COL21A1: variants seen among roughly 807,000 people sequenced by gnomAD.
COL21A1 encodes the protein collagen type XXI alpha 1 chain.
COL21A1 carries 149 observed loss-of-function variants against 137.9 expected under a neutral mutation model. That is an observed-to-expected ratio of 1.08 (90% CI 0.95 to 1.24). The LOEUF is 1.24. Among genes scored for constraint, COL21A1 ranks in the 50% most tolerant of loss-of-function variants. The pLI is 0.00. For synonymous variants in COL21A1, 456 were observed against 391.5 expected, an observed-to-expected ratio of 1.16 and a Z score of -1.95; for missense variants, 1,167 against 1,158.4, an observed-to-expected ratio of 1.01 and a Z score of -0.11.
intron 1 of COL21A1, among the ~76,000 whole-genome samples, chr6:56,390,512 A>G (rs866051624): frequency 0.014 from 2,175 of 151,398 alleles, 42 homozygotes; most frequent in African/African-American, 0.047. Context: ...ACACACACAC[A>G]CACACACACA....
intron 1 of COL21A1, among the ~76,000 whole-genome samples, chr6:56,213,150 T>C (rs1024139142): frequency 3.9e-5 from 6 of 152,098 alleles, no homozygotes; most frequent in Non-Finnish European, 8.8e-5. Flanking sequence ...ACAACAAAAG[T>C]ATCTGTATGC....
At chr6:56,070,933 C>T (rs1424313636) in intron 20 of COL21A1, 135 bp from the exon 21 acceptor site, 2 of 682,748 alleles carry the variant, frequency 2.9e-6, no homozygotes, top group Non-Finnish European at 4.8e-6. Context: ...AGACTCTGTA[C>T]ATTAGACCTA....
intron 17 of COL21A1, among the ~76,000 whole-genome samples, chr6:56,097,920 A>T (rs1250368369): frequency 3.2e-5 from 3 of 93,706 alleles, no homozygotes; most frequent in Admixed American, 1.6e-4. Context: ...AATATATATA[A>T]ATATATAAAT....
rs763788494 is a variant in COL21A1, at chr6:56,179,847, A to G, written c.371T>C (p.Leu124Pro). 1.9e-6 allele frequency: 3 copies of G among 1,613,830 alleles called. No homozygotes were observed. In the Admixed American group the frequency reaches 5.0e-5, roughly 27 times the overall value. Residue 124 changes from leucine to proline, a missense_variant, in exon 3 of 30, where the codon CTC (leucine) becomes CCC (proline). By Grantham distance (98) the Leu-to-Pro change is moderately conservative (BLOSUM62 -3). Coordinates refer to ENST00000244728, the MANE Select transcript of COL21A1 (RefSeq NM_030820.4). ...TGAGGACTTGGCAAAAAGGTAATCG[A>G]GCGCAAACTGGATGGCCTTCCCTGT... ...TKTGKAIQFA[L>P]DYLFAKSSRF...
At chr6:56,161,900 C>T (rs1776233526) in intron 9 of COL21A1, among the ~76,000 whole-genome samples, 2 of 152,144 alleles carry the variant, frequency 1.3e-5, no homozygotes, top group Admixed American at 1.3e-4. Context: ...AAAAATTTCT[C>T]CTCTGTTTCA....
chr6:56,124,630 T>TTTTGTTTG (rs10624734), intron 14 of COL21A1, among the ~76,000 whole-genome samples: 151 of 150,570 alleles, frequency 1.0e-3, no homozygotes, highest in Admixed American at 9.3e-3. Context: ...TGGACATGTT[T>TTTTGTTTG]TTTGTTTGTT....
chr6:56,120,421 A>G (rs924983762), intron 16 of COL21A1, among the ~76,000 whole-genome samples: 1 of 152,210 alleles, frequency 6.6e-6, no homozygotes, highest in Non-Finnish European at 1.5e-5. Flanking sequence ...GGATGTGGAG[A>G]AAAGGGAACA....
chr6:56,242,722 G>A (rs1303281562), intron 1 of COL21A1, among the ~76,000 whole-genome samples: 1 of 152,116 alleles, frequency 6.6e-6, no homozygotes, highest in African/African-American at 2.4e-5. Context: ...ATTCTTTGAA[G>A]TGACAAAGGT....
At chr6:56,088,317 T>C (rs1367964326) in intron 17 of COL21A1, among the ~76,000 whole-genome samples, 1 of 152,076 alleles carries the variant, frequency 6.6e-6, no homozygotes, top group Non-Finnish European at 1.5e-5. Flanking sequence ...TGAGCTGAGA[T>C]TGCGCCACTG....
intron 17 of COL21A1, among the ~76,000 whole-genome samples, chr6:56,083,551 CAGGG>C (rs1767974925): frequency 6.6e-6 from 1 of 151,866 alleles, no homozygotes; most frequent in South Asian, 2.1e-4. Flanking sequence ...TACCAGGTTC[CAGGG>C]ATTAAATTAT....
chr6:56,376,151 G>C (rs999474974), intron 1 of COL21A1, among the ~76,000 whole-genome samples: 1 of 152,156 alleles, frequency 6.6e-6, no homozygotes, highest in African/African-American at 2.4e-5. Flanking sequence ...CAGGAGTAGA[G>C]GGTTTTAAGA....
chr6:56,165,602 T>C (rs1283828896), intron 7 of COL21A1, among the ~76,000 whole-genome samples: 1 of 152,194 alleles, frequency 6.6e-6, no homozygotes, highest in East Asian at 1.9e-4. Context: ...TCTAAAACTA[T>C]AGTGCTTAAA....
rs910793358 is a variant in COL21A1 at position 56,361,875 on chromosome 6, A to C, written c.-39+32096T>G. ...TCTACTGAAGCCTGTGTAAGGAAGC[A>C]CAGCTCAAAGTGTCCATGGTTCATC... On this transcript the variant is annotated intron_variant, in intron 1 of 28. Coordinates refer to the COL21A1 transcript ENST00000370819. Among the ~76,000 whole-genome samples, 3 of 152,292 alleles carry C rather than the reference A, an allele frequency of 2.0e-5. No homozygotes were observed. The East Asian group carries it at 5.8e-4, about 29-fold the overall frequency.
intron 1 of COL21A1, among the ~76,000 whole-genome samples, chr6:56,391,259 T>C (rs2094029118): frequency 6.6e-6 from 1 of 152,072 alleles, no homozygotes. Flanking sequence ...AATTTTAAAA[T>C]TTTGTGAAAC....
At chr6:56,329,508 G>C (rs1765172684) in intron 1 of COL21A1, among the ~76,000 whole-genome samples, 1 of 152,092 alleles carries the variant, frequency 6.6e-6, no homozygotes, top group Non-Finnish European at 1.5e-5. Context: ...TAGGGCAGCT[G>C]CATTTTCTCC....
At chr6:56,070,298 T>C (rs554801213) in intron 21 of COL21A1, among the ~76,000 whole-genome samples, 3 of 151,702 alleles carry the variant, frequency 2.0e-5, no homozygotes, top group South Asian at 2.1e-4. Context: ...AGGTTGGAAG[T>C]GTATTAAAAA....
chr6:56,114,287 G>C (rs1205913450), intron 16 of COL21A1, among the ~76,000 whole-genome samples: 1 of 152,190 alleles, frequency 6.6e-6, no homozygotes. Context: ...CTTCAGATCT[G>C]ACCCAGAGCA....
chr6:56,359,838 T>C (rs1765925700), intron 1 of COL21A1, among the ~76,000 whole-genome samples: 1 of 152,200 alleles, frequency 6.6e-6, no homozygotes, highest in Non-Finnish European at 1.5e-5. Context: ...CTGGAGTCTC[T>C]GAAGTCCTAT....
chr6:56,270,625 C>T (rs1480098399), intron 1 of COL21A1, among the ~76,000 whole-genome samples: 5 of 152,190 alleles, frequency 3.3e-5, no homozygotes, highest in African/African-American at 7.2e-5. Flanking sequence ...AAGAAACATC[C>T]TGGTATGTTT....
Sources: gnomAD v4.1 joint callset for allele counts (sites outside exome capture counted in the v4.1 genomes callset) on GRCh38, gnomAD v4.1.1 for gene constraint, MANE v1.5 for transcripts, NCBI Gene and HGNC (gene_info 2026-07-23, HGNC 2026-07-21) for gene names.